The following RORB variants were observed in gnomAD, a reference collection of about 807,000 sequenced individuals.
RORB encodes RAR related orphan receptor B.
Under a neutral mutation model 59.1 loss-of-function variants are expected in RORB, and 6 were observed. The ratio of observed to expected loss-of-function variants is 0.10; its 90% CI spans 0.06 to 0.20. The LOEUF is 0.20. Among genes scored for constraint, RORB ranks in the 10% least tolerant of loss-of-function variants. The probability of loss-of-function intolerance (pLI) is 1.00; values close to 1 mark genes in which losing one functional copy is unlikely to be tolerated. For missense variants in RORB, 320 were observed against 560.5 expected (o/e 0.57, Z 4.33); for synonymous variants, 215 against 204.5 (o/e 1.05, Z -0.44).
chr9:74,512,874 T>C (rs973294400), intron 1 of RORB, among the ~76,000 whole-genome samples: 5 of 152,162 alleles, frequency 3.3e-5, no homozygotes, highest in African/African-American at 1.2e-4. Context: ...AATATTATTA[T>C]GTGCATGGTT....
intron 7 of RORB, among the ~76,000 whole-genome samples, chr9:74,667,512 T>C (rs1210148802): frequency 1.3e-5 from 2 of 152,226 alleles, no homozygotes; most frequent in Non-Finnish European, 2.9e-5. Flanking sequence ...AATCATATTA[T>C]GGATTGCCAG....
chr9:74,640,888 G>A (rs57989758), intron 3 of RORB, among the ~76,000 whole-genome samples: 6,313 of 152,276 alleles, frequency 0.041, 250 homozygotes, highest in African/African-American at 0.1. Flanking sequence ...GAGGAGGAGG[G>A]TGAATGGCAG....
chr9:74,662,738 C>A, intron 6 of RORB, 132 bp downstream of exon 6: 1 of 864,996 alleles, frequency 1.2e-6, no homozygotes, highest in Non-Finnish European at 1.8e-6. Flanking sequence ...AGCCAACTCC[C>A]AAAGGAAACT....
intron 1 of RORB, among the ~76,000 whole-genome samples, chr9:74,524,209 T>C (rs1479636895): frequency 6.6e-6 from 1 of 151,714 alleles, no homozygotes; most frequent in Non-Finnish European, 1.5e-5. Flanking sequence ...TAGTTTGTCC[T>C]GGATGGCAAG....
intron 1 of RORB, among the ~76,000 whole-genome samples, chr9:74,500,354 G>A (rs925920023): frequency 6.6e-6 from 1 of 152,146 alleles, no homozygotes; most frequent in Non-Finnish European, 1.5e-5. Flanking sequence ...CCGTAAGAAT[G>A]GGATTGAGAA....
At chr9:74,563,754 G>C (rs929902738) in intron 1 of RORB, among the ~76,000 whole-genome samples, 5 of 152,198 alleles carry the variant, frequency 3.3e-5, no homozygotes, top group African/African-American at 7.2e-5. Context: ...TACAACTCTA[G>C]GGGAGGCTAT....
At chr9:74,619,928 C>T (rs1040700349) in intron 1 of RORB, among the ~76,000 whole-genome samples, 3 of 152,246 alleles carry the variant, frequency 2.0e-5, no homozygotes, top group African/African-American at 7.2e-5. Context: ...TGATGTGCTG[C>T]TGGATTCGGT....
At chr9:74,569,010 A>G (rs910463457) in intron 1 of RORB, among the ~76,000 whole-genome samples, 2 of 152,120 alleles carry the variant, frequency 1.3e-5, no homozygotes, top group African/African-American at 4.8e-5. Context: ...AAACGTTAGT[A>G]TGAATGTACC....
At chr9:74,659,989 A>C (rs1206752191) in intron 4 of RORB, among the ~76,000 whole-genome samples, 2 of 86,434 alleles carry the variant, frequency 2.3e-5, no homozygotes, top group Admixed American at 2.2e-4. Flanking sequence ...ATCATTATCA[A>C]CTCATAGCCA....
At chr9:74,591,818 C>A (rs1822898323) in intron 1 of RORB, among the ~76,000 whole-genome samples, 1 of 152,028 alleles carries the variant, frequency 6.6e-6, no homozygotes, top group Admixed American at 6.6e-5. Context: ...GTAGAAGAGA[C>A]CCTGGCTTTC....
intron 1 of RORB, among the ~76,000 whole-genome samples, chr9:74,515,977 C>G (rs923247313): frequency 1.3e-5 from 2 of 151,998 alleles, no homozygotes; most frequent in African/African-American, 4.8e-5. Context: ...ATGAAAGAAA[C>G]AAAGCATAAG....
intron 1 of RORB, among the ~76,000 whole-genome samples, chr9:74,533,749 G>A (rs1439589192): frequency 6.6e-6 from 1 of 151,974 alleles, no homozygotes; most frequent in Non-Finnish European, 1.5e-5. Flanking sequence ...TCCTTAATTA[G>A]GAGGAGCCTA....
intron 1 of RORB, among the ~76,000 whole-genome samples, chr9:74,610,335 A>C (rs560971103): frequency 6.6e-6 from 1 of 152,234 alleles, no homozygotes; most frequent in African/African-American, 2.4e-5. Flanking sequence ...GTTTTGAGAA[A>C]CATGTAGAGA....
intron 1 of RORB, among the ~76,000 whole-genome samples, chr9:74,625,512 G>A (rs1444213548): frequency 6.6e-6 from 1 of 152,166 alleles, no homozygotes; most frequent in Non-Finnish European, 1.5e-5. Flanking sequence ...TACTCAGGAG[G>A]CTGAGATGGG....
At chr9:74,579,491 GT>G (rs1226530264) in intron 1 of RORB, among the ~76,000 whole-genome samples, 2 of 151,758 alleles carry the variant, frequency 1.3e-5, no homozygotes, top group Non-Finnish European at 2.9e-5. Flanking sequence ...GGGTGGGTCA[GT>G]TTTTTTTCTC....
rs532286784 is a variant in RORB at position 74,535,146 on chromosome 9, G to A, written c.7+37163G>A. On this transcript the variant is annotated intron_variant, in intron 1 of 9. Transcript: ENST00000376896. Reference sequence around the variant, plus strand: ...CTGCAGTCTTTCCCAGAGCACCATAGGGGTGTGTGTGTGTTGTGTGTGTGT... The same window carrying A: ...CTGCAGTCTTTCCCAGAGCACCATAAGGGTGTGTGTGTGTTGTGTGTGTGT... Among the ~76,000 whole-genome samples, 458 of 101,498 alleles carry A rather than the reference G, an allele frequency of 4.5e-3. 1 individual carries two copies. Among genetic ancestry groups the A allele is most frequent in the African/African-American group, 0.015 (427 of 29,164 alleles). 66.6% of individuals were successfully genotyped at this position (101,498 alleles called of 152,430 possible). A position where few individuals can be genotyped will look rare whatever the true frequency, so the allele number is the denominator to read the frequency against.
In RORB at chr9:74,662,485, A is replaced by C. The variant is rs1824204730; in HGVS notation, c.771A>C (p.Ala257=). ...CTTCTCTCCTCAAGTCCAGGGAAGCACTGTGGCAACAATGTGCCATCCAGA... is the reference window on the plus strand; with the variant it reads ...CTTCTCTCCTCAAGTCCAGGGAAGCCCTGTGGCAACAATGTGCCATCCAGA... ...IKAYQSKSRE[A]LWQQCAIQIT... is the part of the protein sequence containing the mutation. Residue 257 remains alanine (A), a synonymous_variant, in exon 6 of 10, where the codon GCA becomes GCC. Coordinates refer to ENST00000376896, the MANE Select transcript of RORB (RefSeq NM_006914.4). 1 of 1,613,964 alleles carries C rather than the reference A, an allele frequency of 6.2e-7. No homozygotes were observed. Among genetic ancestry groups the C allele is most frequent in the Non-Finnish European group, 8.5e-7 (1 of 1,179,982 alleles).
chr9:74,521,849 T>C (rs1388315497), intron 1 of RORB, among the ~76,000 whole-genome samples: 1 of 151,756 alleles, frequency 6.6e-6, no homozygotes, highest in African/African-American at 2.4e-5. Context: ...AGTATGAAAG[T>C]ATGGTTAGCC....
intron 1 of RORB, among the ~76,000 whole-genome samples, chr9:74,500,545 A>G (rs965727926): frequency 6.6e-6 from 1 of 151,948 alleles, no homozygotes; most frequent in Non-Finnish European, 1.5e-5. Context: ...TCCCTCATCC[A>G]CACGCGCGCG....
Sources: gnomAD v4.1 joint callset for allele counts (sites outside exome capture counted in the v4.1 genomes callset) on GRCh38, gnomAD v4.1.1 for gene constraint, MANE v1.5 for transcripts, NCBI Gene and HGNC (gene_info 2026-07-23, HGNC 2026-07-21) for gene names.